EPHA2: variants seen among roughly 807,000 people sequenced by gnomAD.
EPHA2 encodes ephrin type-A receptor 2.
EPHA2 carries 54 observed loss-of-function variants against 104.9 expected under a neutral mutation model. That is an observed-to-expected ratio of 0.51 (90% confidence interval 0.41 to 0.65). The LOEUF is 0.65. Ranked by LOEUF, EPHA2 falls within the 30% of genes least tolerant of loss-of-function variation. The probability of loss-of-function intolerance (pLI) is 0.00; values close to 1 mark genes in which losing one functional copy is unlikely to be tolerated. For missense variants in EPHA2, 1,117 were observed against 1,369.5 expected, an observed-to-expected ratio of 0.82 and a Z score of 2.91; for synonymous variants, 560 against 559.1, an observed-to-expected ratio of 1.00 and a Z score of -0.02.
intron 11 of EPHA2, 68 bp from the exon 12 acceptor site, chr1:16,132,507 T>C: frequency 6.5e-7 from 1 of 1,534,846 alleles, no homozygotes; most frequent in East Asian, 2.3e-5. Context: ...GGCACAGATA[T>C]GGGGGAAGGT....
At chr1:16,145,361 C>T (rs1026913451) in intron 3 of EPHA2, among the ~76,000 whole-genome samples, 6 of 152,342 alleles carry the variant, frequency 3.9e-5, no homozygotes, top group Middle Eastern at 3.4e-3. Context: ...GCCCACCTGC[C>T]GCACACAGCA....
At chr1:16,144,799 C>T (rs2024895770) in intron 3 of EPHA2, among the ~76,000 whole-genome samples, 1 of 138,008 alleles carries the variant, frequency 7.2e-6, no homozygotes, top group Non-Finnish European at 1.5e-5. Flanking sequence ...TGTGCCAGGC[C>T]CCCGTTCTTT....
chr1:16,131,786 C>T lies in EPHA2; in HGVS notation c.2410G>A (p.Gly804Ser). Reference sequence around the variant, plus strand: ...GTCATCACCTCCCACATGACAATGCCAAAGCTCCACACGTCGCTGGCAGAG... The same window carrying T: ...GTCATCACCTCCCACATGACAATGCTAAAGCTCCACACGTCGCTGGCAGAG... The part of the protein sequence containing the change: ...FTSASDVWSF[G>S]IVMWEVMTYG... The change falls in exon 14 of 17, where the codon GGC becomes AGC. Residue 804 changes from glycine (G) to serine (S), a missense_variant. This residue lies in a region of EPHA2 where 340 missense variants were observed against 480.5 expected (regional missense o/e 0.71). Transcript: ENST00000358432. The surrounding 1 kb of genome is among the most constrained non-coding windows in gnomAD (Gnocchi z 5.2). The T allele has an allele frequency of 1.2e-6, 2 of 1,614,116 alleles. No homozygotes were observed. The highest frequency in any genetic ancestry group is 1.7e-6 in the Non-Finnish European group (2 of 1,180,032).
At position 16,135,607 on chromosome 1, in the gene EPHA2, C is replaced by A. The variant is rs1419093335; in HGVS notation, c.1428+48G>T. The A allele has an allele frequency of 6.5e-7, 1 of 1,548,794 alleles. No individual in the cohort carries two copies. Among genetic ancestry groups the A allele is most frequent in the East Asian group, 2.2e-5 (1 of 44,554 alleles). ...TGATCATCTATGTGACCAGCCTGTC[C>A]CCTGCTGTCGGCCCAGCTAGAGCCA... is the stretch of plus-strand genomic sequence containing the variant. On this transcript the variant is annotated intron_variant, in intron 6 of 16. Transcript: ENST00000358432. This position sits in a 1 kb window ranked among gnomAD's most constrained non-coding sequence, Gnocchi z 4.3.
chr1:16,138,862 A>C (rs759868795), intron 3 of EPHA2, among the ~76,000 whole-genome samples: 14 of 152,182 alleles, frequency 9.2e-5, no homozygotes, highest in Non-Finnish European at 1.9e-4. Flanking sequence ...AGAGCTGCCC[A>C]GGGCAATGAC....
At chr1:16,147,671 A>G (rs1198093520) in intron 3 of EPHA2, among the ~76,000 whole-genome samples, 2 of 150,940 alleles carry the variant, frequency 1.3e-5, no homozygotes, top group Non-Finnish European at 2.9e-5. Context: ...CTATTAAGTC[A>G]TTTGATTATC....
rs1273755274 is a variant in EPHA2, at chr1:16,130,019, A to G, written c.2669+207T>C. On this transcript the variant is annotated intron_variant, in intron 15 of 16. Coordinates refer to ENST00000358432, the MANE Select transcript of EPHA2 (RefSeq NM_004431.5). The surrounding 1 kb of genome is among the most constrained non-coding windows in gnomAD (Gnocchi z 4.5). ...ATGAAAACATATTAAGTGCTCACGCAGTGCCCTGCACACAGACACATAAGC... is the reference window on the plus strand; with the variant it reads ...ATGAAAACATATTAAGTGCTCACGCGGTGCCCTGCACACAGACACATAAGC... 1.3e-5 allele frequency among the ~76,000 whole-genome samples: 2 copies of G among 152,240 alleles called. No individual in the cohort carries two copies. Among genetic ancestry groups the G allele is most frequent in the African/African-American group, 4.8e-5 (2 of 41,456 alleles).
intron 1 of EPHA2, 167 bp downstream of exon 1, chr1:16,155,681 T>TG: frequency 2.0e-6 from 1 of 489,206 alleles, no homozygotes. Context: ...TGACCCCGGG[T>TG]GGGGGCCAGG....
chr1:16,146,111 C>T (rs7525723), intron 3 of EPHA2, among the ~76,000 whole-genome samples: 7,501 of 152,238 alleles, frequency 0.049, 615 homozygotes, highest in African/African-American at 0.17. Context: ...GCCAGCCGGG[C>T]GTTCCTGGCA....
At position 16,135,591 on chromosome 1, in the gene EPHA2, A is replaced by T. The variant is rs1228416613; in HGVS notation, c.1428+64T>A. ...TGGCTGGGTGGTTTGGTGATCATCT[A>T]TGTGACCAGCCTGTCCCCTGCTGTC... On this transcript the variant is annotated intron_variant, in intron 6 of 16. Transcript: ENST00000358432. The surrounding 1 kb of genome is among the most constrained non-coding windows in gnomAD (Gnocchi z 4.3). 1 of 1,478,300 alleles carries T rather than the reference A, an allele frequency of 6.8e-7. No individual in the cohort carries two copies. The highest frequency in any genetic ancestry group is 9.5e-7 in the Non-Finnish European group (1 of 1,056,896). 91.6% of individuals were successfully genotyped at this position (1,478,300 alleles called of 1,614,324 possible).
rs750346305 is a variant in EPHA2 at position 16,138,127 on chromosome 1, C to T, written c.1038G>A (p.Leu346=). ...CGCTGTCCTGAGGGGGCGTCCAGCG[C>T]AGCTCCACCTTGGCACCCATGCCCA... ...TAVGMGAKVE[L]RWTPPQDSGG... is the part of the protein sequence containing the mutation. The change falls in exon 5 of 17, where the codon CTG becomes CTA. Residue 346 remains leucine, a synonymous_variant. Coordinates refer to ENST00000358432, the MANE Select transcript of EPHA2 (RefSeq NM_004431.5). 2.5e-6 allele frequency: 4 copies of T among 1,609,288 alleles called. No homozygotes were observed. The highest frequency in any genetic ancestry group is 1.7e-6 in the Non-Finnish European group (2 of 1,179,854).
rs147352564 is a variant in EPHA2, at chr1:16,148,678, G to A, written c.523C>T (p.Arg175Cys). The A allele has an allele frequency of 6.1e-4, 988 of 1,611,062 alleles. No homozygotes were observed. The highest frequency in any genetic ancestry group is 7.7e-4 in the Non-Finnish European group (914 of 1,180,022). Residue 175 changes from arginine (R) to cysteine (C), a missense_variant, in exon 3 of 17, where the codon CGC (arginine) becomes TGC (cysteine). Transcript: ENST00000358432. This position sits in a 1 kb window ranked among gnomAD's most constrained non-coding sequence, Gnocchi z 4.9. ...TGGAAGGCCAGGTAGAAGCCTTTGC[G>A]GGTGAGCGGCCCCACGGAGCGCTCC... ...VEERSVGPLT[R>C]KGFYLAFQDI...
rs754656950 is a variant in EPHA2, at chr1:16,138,153, C to A, written c.1012G>T (p.Val338Leu). The A allele has an allele frequency of 6.2e-7, 1 of 1,609,016 alleles. No homozygotes were observed. The highest frequency in any genetic ancestry group is 8.5e-7 in the Non-Finnish European group (1 of 1,179,884). The change falls in exon 5 of 17, where the codon GTG becomes TTG. Residue 338 changes from valine to leucine, a missense_variant. Val to Leu is a conservative substitution (Grantham distance 32, BLOSUM62 1). Coordinates refer to ENST00000358432, the MANE Select transcript of EPHA2 (RefSeq NM_004431.5). ...AGCTCCACCTTGGCACCCATGCCCA[C>A]GGCTGTGAGGTAGTGTGGGGCGGAG... Reference protein sequence around the residue: ...PPSAPHYLTAVGMGAKVELRW... With the variant: ...PPSAPHYLTALGMGAKVELRW...
chr1:16,130,511 G>T lies in EPHA2; in HGVS notation c.2476-92C>A. The T allele has an allele frequency of 7.7e-7, 1 of 1,293,052 alleles. No individual in the cohort carries two copies. The highest frequency in any genetic ancestry group is 1.0e-6 in the Non-Finnish European group (1 of 959,114). The allele number at this position is 1,293,052 out of a possible 1,614,324, so 80.1% of individuals were successfully genotyped here. On this transcript the variant is annotated intron_variant, in intron 14 of 16. Coordinates refer to ENST00000358432, the MANE Select transcript of EPHA2 (RefSeq NM_004431.5). This position sits in a 1 kb window ranked among gnomAD's most constrained non-coding sequence, Gnocchi z 4.5. ...CTATGGAGGTGGGCAGGGGAGGGGAGGGGAACAGGAACATCCCAGAAACAG... is the reference window on the plus strand; with the variant it reads ...CTATGGAGGTGGGCAGGGGAGGGGATGGGAACAGGAACATCCCAGAAACAG...
intron 1 of EPHA2, among the ~76,000 whole-genome samples, chr1:16,152,089 G>A (rs1341908221): frequency 1.3e-5 from 2 of 152,206 alleles, no homozygotes; most frequent in African/African-American, 4.8e-5. Context: ...TAGAACCTAT[G>A]CAAGATGGAT....
Position 16,155,960 on chromosome 1 carries a change from C to T in EPHA2, c.-28G>A. On this transcript the variant is annotated 5_prime_UTR_variant, in exon 1 of 17. Transcript: ENST00000358432. ...CGCGCTTCTCGCTCTCGGTCCGATC[C>T]CCCCGAGCCCGGCTCCCGCACACCC... 6.8e-7 allele frequency: 1 copy of T among 1,472,388 alleles called. No homozygotes were observed. Among genetic ancestry groups the T allele is most frequent in the African/African-American group, 1.5e-5 (1 of 68,170 alleles). 91.2% of individuals were successfully genotyped at this position (1,472,388 alleles called of 1,614,324 possible).
In EPHA2 at chr1:16,132,236, C is replaced by T. The variant is rs2124201108; in HGVS notation, c.2153G>A (p.Gly718Asp). The change falls in exon 13 of 17, where the codon GGC becomes GAC. Residue 718 changes from glycine to aspartate, a missense_variant. Transcript: ENST00000358432. The stretch of plus-strand genomic sequence containing the variant: ...GCCAGCTGCGATGCCCCGCAGCATG[C>T]CCACCAGCTGCAGCACGCTGAACTC... Reference protein sequence around the residue: ...DGEFSVLQLVGMLRGIAAGMK... With the variant: ...DGEFSVLQLVDMLRGIAAGMK... The T allele has an allele frequency of 6.2e-7, 1 of 1,614,170 alleles. No individual in the cohort carries two copies. The highest frequency in any genetic ancestry group is 8.5e-7 in the Non-Finnish European group (1 of 1,180,032).
At chr1:16,147,332 C>G (rs975993421) in intron 3 of EPHA2, among the ~76,000 whole-genome samples, 2 of 152,116 alleles carry the variant, frequency 1.3e-5, no homozygotes, top group African/African-American at 4.8e-5. Flanking sequence ...AAAGGCAGAC[C>G]CTTGGCCCCC....
At position 16,130,087 on chromosome 1, in the gene EPHA2, TA is replaced by T; in HGVS notation, c.2669+138del. On this transcript the variant is annotated intron_variant, in intron 15 of 16. Transcript: ENST00000358432. This position sits in a 1 kb window ranked among gnomAD's most constrained non-coding sequence, Gnocchi z 4.5. ...ATTTCCTGGGCCATCGTGTCCAGTC[TA>T]AGTCAAGTCCACACATAACCTCTTA... 8.5e-7 allele frequency: 1 copy of T among 1,178,590 alleles called. No homozygotes were observed. Among genetic ancestry groups the T allele is most frequent in the Non-Finnish European group, 1.2e-6 (1 of 818,676 alleles). The allele number at this position is 1,178,590 out of a possible 1,614,324, so 73.0% of individuals were successfully genotyped here.
Sources: gnomAD v4.1 joint callset for allele counts (sites outside exome capture counted in the v4.1 genomes callset) on GRCh38, gnomAD v4.1.1 for gene constraint, gnomAD v4.1.1 regional missense constraint, Gnocchi (gnomAD v3.1) non-coding constraint, MANE v1.5 for transcripts, NCBI Gene and HGNC (gene_info 2026-07-23, HGNC 2026-07-21) for gene names.